Variants in OR6Y1 observed in about 807,000 individuals in gnomAD.
OR6Y1 encodes the protein olfactory receptor family 6 subfamily Y member 1, also known as olfactory receptor 6Y1.
Under a neutral mutation model 0.4 loss-of-function variants are expected in OR6Y1, and 1 was observed. That is an observed-to-expected ratio of 2.74 (90% CI 0.97 to 13.02). OR6Y1 has a LOEUF of 13.02. Ranked by LOEUF, OR6Y1 falls within the 30% of genes most tolerant of loss-of-function variation. The pLI is 0.12. For synonymous variants in OR6Y1, 173 were observed against 141.1 expected (o/e 1.23, Z -1.60); for missense variants, 480 against 399.8 (o/e 1.20, Z -1.71).
At chr1:158,553,515 C>T (rs1467946734) in intron 1 of OR6Y1, among the ~76,000 whole-genome samples, 2 of 151,780 alleles carry the variant, frequency 1.3e-5, no homozygotes, top group Non-Finnish European at 1.5e-5. Context: ...ATCAAAATAC[C>T]ACTATATACC....
chr1:158,547,859 T>C lies in OR6Y1; in HGVS notation c.247A>G (p.Ser83Gly). The change falls in exon 2 of 2, where the codon AGC (serine) becomes GGC (glycine). Residue 83 changes from serine (S) to glycine (G), a missense_variant. By Grantham distance (56) the Ser-to-Gly change is moderately conservative. Transcript: ENST00000641622. Reference sequence around the variant, plus strand: ...AGGAAGTCAACAAGCATCTTGGGGCTGATGACTGTGACATACCACATCTCC... The same window carrying C: ...AGGAAGTCAACAAGCATCTTGGGGCCGATGACTGTGACATACCACATCTCC... ...FLEMWYVTVI[S>G]PKMLVDFLSH... is the part of the protein sequence containing the mutation. 1 of 1,613,630 alleles carries C rather than the reference T, an allele frequency of 6.2e-7. No homozygotes were observed. The highest frequency in any genetic ancestry group is 8.5e-7 in the Non-Finnish European group (1 of 1,180,014).
intron 1 of OR6Y1, among the ~76,000 whole-genome samples, chr1:158,552,746 CA>C (rs1489388574): frequency 6.6e-6 from 1 of 152,058 alleles, no homozygotes; most frequent in Non-Finnish European, 1.5e-5. Context: ...CACTTGTGCT[CA>C]ATCTAGTCTT....
chr1:158,550,765 G>C (rs1647681054), intron 1 of OR6Y1, among the ~76,000 whole-genome samples: 3 of 151,754 alleles, frequency 2.0e-5, no homozygotes, highest in Admixed American at 2.0e-4. Flanking sequence ...GGGCAGGCTT[G>C]TGAGGAAGAG....
chr1:158,548,644 C>T lies in OR6Y1; in HGVS notation c.-539G>A, dbSNP rs560161296. On this transcript the variant is annotated 5_prime_UTR_variant, in exon 2 of 2. Transcript: ENST00000641622. ...TAGTTGAGCATACCCACAGGATTAA[C>T]AGCAAAATCAGGTTTGATGCAATTA... 1.4e-4 allele frequency: 22 copies of T among 152,592 alleles called. No homozygotes were observed. The highest frequency in any genetic ancestry group is 5.3e-4 in the African/African-American group (22 of 41,222). The allele number at this position is 152,592 out of a possible 1,614,324, so 9.5% of individuals were successfully genotyped here.
Position 158,546,979 on chromosome 1 carries a change from G to GATTTGGGAGATGGAACACTTTCTCTTC in OR6Y1, c.*148_*149insGAAGAGAAAGTGTTCCATCTCCCAAAT, listed in dbSNP as rs1647554201. The GATTTGGGAGATGGAACACTTTCTCTTC allele has an allele frequency of 1.3e-5, 9 of 705,916 alleles. No individual in the cohort carries two copies. In the African/African-American group the frequency reaches 1.5e-4, roughly 12 times the overall value. 43.7% of individuals were successfully genotyped at this position (705,916 alleles called of 1,614,324 possible). On this transcript the variant is annotated 3_prime_UTR_variant, in exon 2 of 2. Transcript: ENST00000641622. ...AGAACATGTTTCTCCAGTCATGATT[G>GATTTGGGAGATGGAACACTTTCTCTTC]TGTATACACACACACACACATGCAC...
chr1:158,547,525 C>A lies in OR6Y1; in HGVS notation c.581G>T (p.Cys194Phe), dbSNP rs755891716. 1 of 1,613,366 alleles carries A rather than the reference C, an allele frequency of 6.2e-7. No individual in the cohort carries two copies. Among genetic ancestry groups the A allele is most frequent in the Non-Finnish European group, 8.5e-7 (1 of 1,179,970 alleles). ...CATCTCAGCCTGTGAGGCATCCTCA[C>A]AGGAGACGTTAAGGAGTGGAGAGAT... ...CDISPLLNVS[C>F]EDASQAEMVD... The change falls in exon 2 of 2, where the codon TGT becomes TTT. Residue 194 changes from cysteine to phenylalanine, a missense_variant. By Grantham distance (205) the Cys-to-Phe change is radical (BLOSUM62 -2). Transcript: ENST00000641622.
intron 1 of OR6Y1, among the ~76,000 whole-genome samples, chr1:158,553,007 T>G (rs1647740660): frequency 6.6e-6 from 1 of 152,206 alleles, no homozygotes. Context: ...CTTGCTGCTA[T>G]GTAGTAAGCC....
rs751558670 is a variant in OR6Y1, at chr1:158,547,541, G to T, written c.565C>A (p.Leu189Ile). The change falls in exon 2 of 2, where the codon CTC becomes ATC. Residue 189 changes from leucine to isoleucine, a missense_variant. Physicochemically the swap from Leu to Ile is conservative, Grantham distance 5. Coordinates refer to ENST00000641622, the MANE Select transcript of OR6Y1 (RefSeq NM_001005189.2). ...INHYFCDISP[L>I]LNVSCEDASQ... ...GCATCCTCACAGGAGACGTTAAGGA[G>T]TGGAGAGATATCACAAAAGTAGTGA... The T allele has an allele frequency of 5.6e-6, 9 of 1,613,296 alleles. No individual in the cohort carries two copies. Among genetic ancestry groups the T allele is most frequent in the Admixed American group, 3.3e-5 (2 of 59,916 alleles).
At chr1:158,552,080 G>A (rs1376011825) in intron 1 of OR6Y1, among the ~76,000 whole-genome samples, 1 of 151,900 alleles carries the variant, frequency 6.6e-6, no homozygotes, top group African/African-American at 2.4e-5. Flanking sequence ...GTCTCGTCTC[G>A]TTCTCAAAGG....
intron 1 of OR6Y1, among the ~76,000 whole-genome samples, chr1:158,552,812 A>G (rs1647736675): frequency 6.6e-6 from 1 of 152,140 alleles, no homozygotes; most frequent in Non-Finnish European, 1.5e-5. Context: ...CCAGAGGTGG[A>G]CATTGAGGGT....
Position 158,547,048 on chromosome 1 carries a change from G to GA in OR6Y1, c.*79dup. ...AGTGTTACAGTACTGGAGATTGGGG[G>GA]ATAACCAAAGACAAGACTGAGGGGG... On this transcript the variant is annotated 3_prime_UTR_variant, in exon 2 of 2. Coordinates refer to ENST00000641622, the MANE Select transcript of OR6Y1 (RefSeq NM_001005189.2). 7.2e-7 allele frequency: 1 copy of GA among 1,389,594 alleles called. No individual in the cohort carries two copies. The highest frequency in any genetic ancestry group is 9.9e-7 in the Non-Finnish European group (1 of 1,014,858). 86.1% of individuals were successfully genotyped at this position (1,389,594 alleles called of 1,614,324 possible).
At position 158,548,147 on chromosome 1, in the gene OR6Y1, A is replaced by G; in HGVS notation, c.-42T>C. On this transcript the variant is annotated 5_prime_UTR_variant, in exon 2 of 2. Coordinates refer to ENST00000641622, the MANE Select transcript of OR6Y1 (RefSeq NM_001005189.2). ...AGACAAAGTCAGTTCCTTCCATGAC[A>G]CAAGCACTAGTCTATGGTTATTTGT... 1 of 1,579,288 alleles carries G rather than the reference A, an allele frequency of 6.3e-7. No individual in the cohort carries two copies. The highest frequency in any genetic ancestry group is 1.2e-5 in the South Asian group (1 of 85,084).
Position 158,547,382 on chromosome 1 carries a change from C to T in OR6Y1, c.724G>A (p.Ala242Thr). Residue 242 changes from alanine to threonine, a missense_variant, in exon 2 of 2, where the codon GCA becomes ACA. Transcript: ENST00000641622. ...RIPSAQGRQK[A>T]FSTCASHLTV... ...AGGTGGGAGGCACAGGTGGAGAATG[C>T]CTTTTGGCGGCCCTGAGCAGAAGGG... The T allele has an allele frequency of 6.2e-7, 1 of 1,613,486 alleles. No individual in the cohort carries two copies. The highest frequency in any genetic ancestry group is 8.5e-7 in the Non-Finnish European group (1 of 1,179,982).
In OR6Y1 at chr1:158,547,852, T is replaced by C. The variant is rs1187233979; in HGVS notation, c.254A>G (p.Lys85Arg). 2.5e-6 allele frequency: 4 copies of C among 1,613,440 alleles called. No homozygotes were observed. The highest frequency in any genetic ancestry group is 2.7e-5 in the African/African-American group (2 of 74,402). Residue 85 changes from lysine to arginine, a missense_variant, in exon 2 of 2, where the codon AAG becomes AGG. Physicochemically the swap from Lys to Arg is conservative, Grantham distance 26 (BLOSUM62 2). Transcript: ENST00000641622. ...ATGACTGAGGAAGTCAACAAGCATC[T>C]TGGGGCTGATGACTGTGACATACCA... ...EMWYVTVISPKMLVDFLSHDK... is the reference protein window; with the variant it reads ...EMWYVTVISPRMLVDFLSHDK...
In OR6Y1 at chr1:158,547,004, C is replaced by T; in HGVS notation, c.*124G>A. On this transcript the variant is annotated 3_prime_UTR_variant, in exon 2 of 2. Coordinates refer to ENST00000641622, the MANE Select transcript of OR6Y1 (RefSeq NM_001005189.2). Reference sequence around the variant, plus strand: ...GTGTATACACACACACACACATGCACACACACACAGAGGAGAGCAGTGTTA... The same window carrying T: ...GTGTATACACACACACACACATGCATACACACACAGAGGAGAGCAGTGTTA... The T allele has an allele frequency of 1.1e-6, 1 of 904,732 alleles. No homozygotes were observed. Among genetic ancestry groups the T allele is most frequent in the Non-Finnish European group, 1.7e-6 (1 of 594,500 alleles). 56.0% of individuals were successfully genotyped at this position (904,732 alleles called of 1,614,324 possible).
chr1:158,551,298 C>T (rs1471898690), intron 1 of OR6Y1, among the ~76,000 whole-genome samples: 1 of 151,796 alleles, frequency 6.6e-6, no homozygotes, highest in Non-Finnish European at 1.5e-5. Flanking sequence ...TAAACCATCT[C>T]ACTTTTTCTT....
rs1647556766 is a variant in OR6Y1, at chr1:158,547,073, G to A, written c.*55C>T. 12 of 1,530,594 alleles carry A rather than the reference G, an allele frequency of 7.8e-6. No individual in the cohort carries two copies. The highest frequency in any genetic ancestry group is 1.1e-5 in the Non-Finnish European group (12 of 1,133,744). The allele number at this position is 1,530,594 out of a possible 1,614,324, so 94.8% of individuals were successfully genotyped here. A position where few individuals can be genotyped will look rare whatever the true frequency, so the allele number is the denominator to read the frequency against. On this transcript the variant is annotated 3_prime_UTR_variant, in exon 2 of 2. Transcript: ENST00000641622. ...GATAACCAAAGACAAGACTGAGGGGGAAAGTGTGTAGTGATCATCTCTCAG... is the reference window on the plus strand; with the variant it reads ...GATAACCAAAGACAAGACTGAGGGGAAAAGTGTGTAGTGATCATCTCTCAG...
In OR6Y1 at chr1:158,547,382, C is replaced by G; in HGVS notation, c.724G>C (p.Ala242Pro). The G allele has an allele frequency of 6.2e-7, 1 of 1,613,486 alleles. No homozygotes were observed. Among genetic ancestry groups the G allele is most frequent in the Non-Finnish European group, 8.5e-7 (1 of 1,179,982 alleles). Reference sequence around the variant, plus strand: ...AGGTGGGAGGCACAGGTGGAGAATGCCTTTTGGCGGCCCTGAGCAGAAGGG... The same window carrying G: ...AGGTGGGAGGCACAGGTGGAGAATGGCTTTTGGCGGCCCTGAGCAGAAGGG... ...RIPSAQGRQK[A>P]FSTCASHLTV... The change falls in exon 2 of 2, where the codon GCA (alanine) becomes CCA (proline). Residue 242 changes from alanine (A) to proline (P), a missense_variant. Ala to Pro is a conservative substitution (Grantham distance 27, BLOSUM62 -1). Coordinates refer to ENST00000641622, the MANE Select transcript of OR6Y1 (RefSeq NM_001005189.2).
rs1647607387 is a variant in OR6Y1, at chr1:158,548,176, G to A, written c.-71C>T. 2.0e-6 allele frequency: 3 copies of A among 1,474,584 alleles called. No homozygotes were observed. Among genetic ancestry groups the A allele is most frequent in the Middle Eastern group, 1.9e-4 (1 of 5,396 alleles). The allele number at this position is 1,474,584 out of a possible 1,614,324, so 91.3% of individuals were successfully genotyped here. On this transcript the variant is annotated 5_prime_UTR_variant, in exon 2 of 2. Transcript: ENST00000641622. Reference sequence around the variant, plus strand: ...GCACTAGTCTATGGTTATTTGTATTGATAGAGCCCACCACCAGCAAATTTA... The same window carrying A: ...GCACTAGTCTATGGTTATTTGTATTAATAGAGCCCACCACCAGCAAATTTA...
Sources: gnomAD v4.1 joint callset for allele counts (sites outside exome capture counted in the v4.1 genomes callset) on GRCh38, gnomAD v4.1.1 for gene constraint, MANE v1.5 for transcripts, NCBI Gene and HGNC (gene_info 2026-07-23, HGNC 2026-07-21) for gene names.